The following EFNA5 variants were observed in gnomAD, a reference collection of about 807,000 sequenced individuals.
The protein encoded by EFNA5 is ephrin A5, also known as ephrin-A5.
In EFNA5, 5 loss-of-function variants were observed where a neutral mutation model predicts 22.9. That is an observed-to-expected ratio of 0.22 (90% CI 0.11 to 0.46). The LOEUF is 0.46. Among genes scored for constraint, EFNA5 ranks in the 20% least tolerant of loss-of-function variants. EFNA5 has a pLI of 0.99. For synonymous variants in EFNA5, 113 were observed against 112.2 expected (o/e 1.01, Z -0.04); for missense variants, 237 against 293.3 (o/e 0.81, Z 1.40).
At chr5:107,430,070 G>A (rs1425338877) in intron 1 of EFNA5, among the ~76,000 whole-genome samples, 8 of 152,100 alleles carry the variant, frequency 5.3e-5, no homozygotes, top group South Asian at 2.1e-4. Flanking sequence ...TTTAAAAACC[G>A]AAAACACTTG....
intron 1 of EFNA5, among the ~76,000 whole-genome samples, chr5:107,655,296 A>G (rs554869439): frequency 3.0e-4 from 45 of 152,268 alleles, no homozygotes; most frequent in African/African-American, 1.1e-3. Context: ...TCCCTTGACA[A>G]ATTTTAACTT....
At chr5:107,491,549 G>A (rs1469808946) in intron 1 of EFNA5, among the ~76,000 whole-genome samples, 1 of 152,180 alleles carries the variant, frequency 6.6e-6, no homozygotes, top group African/African-American at 2.4e-5. Flanking sequence ...AACCTCAGGT[G>A]ATCCACCTGC....
chr5:107,509,250 T>C (rs10491394), intron 1 of EFNA5, among the ~76,000 whole-genome samples: 22,719 of 152,190 alleles, frequency 0.15, 1,895 homozygotes, highest in Middle Eastern at 0.22. Flanking sequence ...AAGATGACTA[T>C]TTGTTCTTTT....
chr5:107,464,885 G>A (rs1749931333), intron 1 of EFNA5, among the ~76,000 whole-genome samples: 1 of 152,098 alleles, frequency 6.6e-6, no homozygotes, highest in South Asian at 2.1e-4. Flanking sequence ...TCCTCACTCT[G>A]CGTCCTGACA....
intron 1 of EFNA5, among the ~76,000 whole-genome samples, chr5:107,438,667 C>T (rs1749178495): frequency 6.6e-6 from 1 of 152,136 alleles, no homozygotes; most frequent in African/African-American, 2.4e-5. Context: ...CAGGCTCCCA[C>T]CAGAGTCACC....
intron 1 of EFNA5, among the ~76,000 whole-genome samples, chr5:107,557,950 C>T (rs1302069836): frequency 6.6e-6 from 1 of 152,054 alleles, no homozygotes; most frequent in South Asian, 2.1e-4. Context: ...AAAACAAGCA[C>T]AAAATTGCAA....
intron 1 of EFNA5, among the ~76,000 whole-genome samples, chr5:107,573,783 G>T (rs1167538634): frequency 6.6e-6 from 1 of 152,098 alleles, no homozygotes; most frequent in African/African-American, 2.4e-5. Context: ...TTATAAGAGG[G>T]GGAGAACGGA....
intron 1 of EFNA5, among the ~76,000 whole-genome samples, chr5:107,632,392 A>G (rs747334857): frequency 6.6e-6 from 1 of 152,214 alleles, no homozygotes; most frequent in African/African-American, 2.4e-5. Context: ...AAATTCCAAC[A>G]AGGAATAGTG....
chr5:107,586,325 A>G (rs1749185394), intron 1 of EFNA5, among the ~76,000 whole-genome samples: 1 of 152,220 alleles, frequency 6.6e-6, no homozygotes, highest in African/African-American at 2.4e-5. Flanking sequence ...ACTAGACCAA[A>G]GAAAGAAAAA....
Position 107,637,518 on chromosome 5 carries a change from C to CTGTG in EFNA5, c.125+32967_125+32970dup, listed in dbSNP as rs987029187. 3.3e-3 allele frequency among the ~76,000 whole-genome samples: 477 copies of CTGTG among 143,550 alleles called. 4 individuals carry two copies. The highest frequency in any genetic ancestry group is 0.01 in the African/African-American group (405 of 38,644). The allele number at this position is 143,550 out of a possible 152,430, so 94.2% of individuals were successfully genotyped here. On this transcript the variant is annotated intron_variant, in intron 1 of 4. Transcript: ENST00000333274. The stretch of plus-strand genomic sequence containing the variant: ...GCACTGTGTGTGTGTGTGTGTGTGT[C>CTGTG]TGTGTGTGTGTGTGTGTGTGTGTGG...
chr5:107,625,295 G>C (rs1429560989), intron 1 of EFNA5, among the ~76,000 whole-genome samples: 1 of 151,988 alleles, frequency 6.6e-6, no homozygotes, highest in South Asian at 2.1e-4. Context: ...TGAGGTTTTT[G>C]AGATTGTCTA....
chr5:107,486,121 A>G (rs184594721), intron 1 of EFNA5, among the ~76,000 whole-genome samples: 2 of 152,348 alleles, frequency 1.3e-5, no homozygotes. Context: ...ACCAATCCTT[A>G]TTGATTCATT....
At chr5:107,569,350 T>G (rs1041310370) in intron 1 of EFNA5, among the ~76,000 whole-genome samples, 1 of 147,178 alleles carries the variant, frequency 6.8e-6, no homozygotes, top group African/African-American at 2.5e-5. Context: ...CAGACTACCC[T>G]TAAAATATAT....
rs550267834 is a variant in EFNA5 at position 107,624,056 on chromosome 5, G to A, written c.125+46433C>T. ...CTAGAAATATGCAGAGTTAAGACCC[G>A]AAATAGGCCTTAATCTAGTATATCT... On this transcript the variant is annotated intron_variant, in intron 1 of 4. Coordinates refer to ENST00000333274, the MANE Select transcript of EFNA5 (RefSeq NM_001962.3). Among the ~76,000 whole-genome samples, 79 of 152,026 alleles carry A rather than the reference G, an allele frequency of 5.2e-4. No individual in the cohort carries two copies. The Middle Eastern group carries it at 0.01, about 20-fold the overall frequency.
At chr5:107,621,956 C>A (rs1187272649) in intron 1 of EFNA5, among the ~76,000 whole-genome samples, 1 of 151,724 alleles carries the variant, frequency 6.6e-6, no homozygotes, top group Non-Finnish European at 1.5e-5. Flanking sequence ...CTCTATTTGA[C>A]TTTGCCTTGA....
At chr5:107,392,218 T>G (rs1747808880) in intron 2 of EFNA5, among the ~76,000 whole-genome samples, 1 of 152,164 alleles carries the variant, frequency 6.6e-6, no homozygotes, top group Non-Finnish European at 1.5e-5. Flanking sequence ...TAGGCAGTCC[T>G]TTGTATAATC....
intron 1 of EFNA5, among the ~76,000 whole-genome samples, chr5:107,564,612 TGTTTTTGTTTGG>T (rs1275419923): frequency 2.0e-4 from 30 of 149,834 alleles, no homozygotes; most frequent in Non-Finnish European, 3.2e-4. Context: ...TACTTTATTT[TGTTTTTGTTTGG>T]GTTTTTGTTT....
intron 4 of EFNA5, among the ~76,000 whole-genome samples, chr5:107,385,265 T>C (rs1031342303): frequency 7.2e-5 from 11 of 152,132 alleles, no homozygotes; most frequent in African/African-American, 2.7e-4. Context: ...GTTAGTGGAA[T>C]TCAAAGGTAA....
chr5:107,410,022 C>CTTT (rs70996956), intron 2 of EFNA5, among the ~76,000 whole-genome samples: 19 of 88,008 alleles, frequency 2.2e-4, no homozygotes, highest in East Asian at 6.1e-4. Context: ...TGACATGATT[C>CTTT]TTTTTTTTTT....
Sources: gnomAD v4.1 joint callset for allele counts (sites outside exome capture counted in the v4.1 genomes callset) on GRCh38, gnomAD v4.1.1 for gene constraint, MANE v1.5 for transcripts, NCBI Gene and HGNC (gene_info 2026-07-23, HGNC 2026-07-21) for gene names.